Variants in DCUN1D4 observed in about 807,000 individuals in gnomAD.
DCUN1D4 encodes the protein DCN1-like protein 4.
DCUN1D4 carries 22 observed loss-of-function variants against 47.9 expected under a neutral mutation model. The ratio of observed to expected loss-of-function variants is 0.46; its 90% CI spans 0.33 to 0.66. The LOEUF (loss-of-function observed/expected upper bound fraction) is 0.66, where lower values mean the gene tolerates loss of function less well. DCUN1D4 is among the 30% of genes least tolerant of loss of function. The probability of loss-of-function intolerance (pLI) is 0.02; values close to 1 mark genes in which losing one functional copy is unlikely to be tolerated. For missense variants in DCUN1D4, 301 were observed against 340.8 expected (o/e 0.88, Z 0.92); for synonymous variants, 121 against 112.2 (o/e 1.08, Z -0.50).
At chr4:51,844,987 G>A (rs1722295733) in intron 1 of DCUN1D4, 1 of 985,302 alleles carries the variant, frequency 1.0e-6, no homozygotes, top group Non-Finnish European at 1.2e-6. Flanking sequence ...CTTGGGAGAG[G>A]GAGAGCCCAC....
chr4:51,875,964 T>C (rs1015778001), intron 4 of DCUN1D4, among the ~76,000 whole-genome samples: 3 of 152,144 alleles, frequency 2.0e-5, no homozygotes, highest in African/African-American at 7.2e-5. Context: ...ACTTGGCCGG[T>C]ATCCACTTTT....
chr4:51,854,165 T>G (rs1723786195), intron 1 of DCUN1D4, among the ~76,000 whole-genome samples: 1 of 152,238 alleles, frequency 6.6e-6, no homozygotes, highest in Non-Finnish European at 1.5e-5. Flanking sequence ...ATATTTGTTT[T>G]TACAAATGAA....
chr4:51,859,855 C>G (rs1724760264), intron 1 of DCUN1D4, among the ~76,000 whole-genome samples: 1 of 152,078 alleles, frequency 6.6e-6, no homozygotes, highest in South Asian at 2.1e-4. Flanking sequence ...GGAGAGCCGT[C>G]TGATCATGGA....
At chr4:51,894,519 T>C (rs1243078151) in intron 7 of DCUN1D4, among the ~76,000 whole-genome samples, 1 of 152,084 alleles carries the variant, frequency 6.6e-6, no homozygotes, top group African/African-American at 2.4e-5. Flanking sequence ...AGGAGGGGCT[T>C]ATAAACAATA....
At chr4:51,862,916 C>G (rs557722344) in intron 1 of DCUN1D4, among the ~76,000 whole-genome samples, 2 of 152,202 alleles carry the variant, frequency 1.3e-5, no homozygotes, top group East Asian at 1.9e-4. Flanking sequence ...CATGCAGGCT[C>G]AGGCAGATCA....
chr4:51,871,961 G>A (rs1726965821), intron 3 of DCUN1D4, among the ~76,000 whole-genome samples: 1 of 152,158 alleles, frequency 6.6e-6, no homozygotes, highest in Non-Finnish European at 1.5e-5. Flanking sequence ...TGCTGGTGTG[G>A]GAGGAGTGAT....
intron 7 of DCUN1D4, among the ~76,000 whole-genome samples, chr4:51,893,933 C>T (rs1730835423): frequency 6.6e-6 from 1 of 152,178 alleles, no homozygotes; most frequent in African/African-American, 2.4e-5. Context: ...AAGAATATTA[C>T]CTGATACCAG....
chr4:51,913,463 C>A, intron 10 of DCUN1D4, 66 bp from the exon 11 acceptor site: 1 of 1,568,794 alleles, frequency 6.4e-7, no homozygotes, highest in Non-Finnish European at 8.7e-7. Flanking sequence ...AAAGCCTCAG[C>A]TACATTACTA....
chr4:51,856,935 G>A (rs1348516931), intron 1 of DCUN1D4, among the ~76,000 whole-genome samples: 1 of 152,206 alleles, frequency 6.6e-6, no homozygotes. Flanking sequence ...CATTGGAATA[G>A]ATCTCTGGCT....
intron 5 of DCUN1D4, among the ~76,000 whole-genome samples, chr4:51,878,586 C>T (rs1017881802): frequency 1.3e-5 from 2 of 152,110 alleles, no homozygotes; most frequent in Non-Finnish European, 2.9e-5. Flanking sequence ...CTAAGCTGAG[C>T]AGATCATACA....
intron 3 of DCUN1D4, among the ~76,000 whole-genome samples, chr4:51,869,372 A>G (rs1262926633): frequency 6.6e-6 from 1 of 152,176 alleles, no homozygotes; most frequent in African/African-American, 2.4e-5. Context: ...GTTCAATGAA[A>G]AGTGAGGTGA....
chr4:51,874,451 A>G, intron 4 of DCUN1D4, 66 bp downstream of exon 4: 3 of 1,218,058 alleles, frequency 2.5e-6, no homozygotes, highest in Non-Finnish European at 2.3e-6. Context: ...TTTCTACCTA[A>G]TTCAGTGTGG....
chr4:51,846,520 G>T (rs1162029615), intron 1 of DCUN1D4, among the ~76,000 whole-genome samples: 2 of 151,972 alleles, frequency 1.3e-5, no homozygotes, highest in African/African-American at 4.8e-5. Context: ...GCTCTTCTTG[G>T]CTTATTACCT....
chr4:51,876,651 G>C (rs543452222), intron 4 of DCUN1D4, among the ~76,000 whole-genome samples: 1 of 151,884 alleles, frequency 6.6e-6, no homozygotes, highest in South Asian at 2.1e-4. Flanking sequence ...ATTTTTTTCA[G>C]CCGAACAGAG....
chr4:51,855,741 A>G (rs938547803), intron 1 of DCUN1D4, among the ~76,000 whole-genome samples: 11 of 152,200 alleles, frequency 7.2e-5, no homozygotes, highest in African/African-American at 2.7e-4. Context: ...AGCAAATACA[A>G]CATCTCAGTG....
At chr4:51,902,475 C>T (rs540064220) in intron 8 of DCUN1D4, among the ~76,000 whole-genome samples, 32 of 152,284 alleles carry the variant, frequency 2.1e-4, no homozygotes, top group South Asian at 1.9e-3. Flanking sequence ...TGAATTAAGA[C>T]GCTTTACCAT....
intron 5 of DCUN1D4, among the ~76,000 whole-genome samples, chr4:51,880,533 T>C (rs1354957699): frequency 6.6e-6 from 1 of 152,232 alleles, no homozygotes; most frequent in African/African-American, 2.4e-5. Context: ...TCCTGAGGCC[T>C]GAGCCCAGCT....
intron 8 of DCUN1D4, among the ~76,000 whole-genome samples, chr4:51,900,723 T>G (rs1449850339): frequency 1.3e-5 from 2 of 152,164 alleles, no homozygotes; most frequent in African/African-American, 4.8e-5. Context: ...GCTAGATGCT[T>G]TTAGAATAGT....
chr4:51,843,337 G>A, intron 1 of DCUN1D4, 70 bp downstream of exon 1: 1 of 1,465,340 alleles, frequency 6.8e-7, no homozygotes, highest in Non-Finnish European at 9.0e-7. Flanking sequence ...GGCTCCCGCA[G>A]TCCCCGCCCC....
Sources: gnomAD v4.1 joint callset for allele counts (sites outside exome capture counted in the v4.1 genomes callset) on GRCh38, gnomAD v4.1.1 for gene constraint, MANE v1.5 for transcripts, NCBI Gene and HGNC (gene_info 2026-07-23, HGNC 2026-07-21) for gene names.